EPHA3: variants seen among roughly 807,000 people sequenced by gnomAD.
EPHA3 encodes the protein ephrin type-A receptor 3.
EPHA3 carries 42 observed loss-of-function variants against 107.1 expected under a neutral mutation model. The ratio of observed to expected loss-of-function variants is 0.39; its 90% CI spans 0.31 to 0.51. EPHA3 has a LOEUF of 0.51. Ranked by LOEUF, EPHA3 falls within the 20% of genes least tolerant of loss-of-function variation. The probability of loss-of-function intolerance (pLI) is 0.78; values close to 1 mark genes in which losing one functional copy is unlikely to be tolerated. For synonymous variants in EPHA3, 461 were observed against 424.8 expected (o/e 1.09, Z -1.05); for missense variants, 1,183 against 1,211.2 (o/e 0.98, Z 0.35).
At chr3:89,203,660 C>G (rs920294304) in intron 2 of EPHA3, among the ~76,000 whole-genome samples, 28 of 151,906 alleles carry the variant, frequency 1.8e-4, no homozygotes, top group African/African-American at 6.5e-4. Context: ...GCCTGCAGTC[C>G]CAGCTACTCG....
At chr3:89,345,585 T>C (rs1042995166) in intron 5 of EPHA3, among the ~76,000 whole-genome samples, 1 of 150,326 alleles carries the variant, frequency 6.7e-6, no homozygotes, top group Non-Finnish European at 1.5e-5. Context: ...CTTTTCCTCC[T>C]GAACACTTCA....
At chr3:89,368,254 A>C (rs1708221669) in intron 5 of EPHA3, among the ~76,000 whole-genome samples, 1 of 150,566 alleles carries the variant, frequency 6.6e-6, no homozygotes, top group Non-Finnish European at 1.5e-5. Context: ...AATTTAGATC[A>C]TAAGTGTTAG....
chr3:89,451,880 C>T (rs1321016003), intron 15 of EPHA3, among the ~76,000 whole-genome samples: 6 of 144,184 alleles, frequency 4.2e-5, no homozygotes, highest in Admixed American at 7.0e-5. Context: ...TCAAGCAGGG[C>T]GTGTGTGTGT....
intron 11 of EPHA3, among the ~76,000 whole-genome samples, chr3:89,425,174 C>A (rs575174208): frequency 6.6e-6 from 1 of 151,104 alleles, no homozygotes. Context: ...GAAGACGTTG[C>A]CCTGTAATTT....
intron 3 of EPHA3, among the ~76,000 whole-genome samples, chr3:89,249,797 A>T (rs1705119102): frequency 6.6e-6 from 1 of 152,172 alleles, no homozygotes; most frequent in African/African-American, 2.4e-5. Flanking sequence ...CTGTTTCTAT[A>T]TCTCAGGATA....
intron 2 of EPHA3, among the ~76,000 whole-genome samples, chr3:89,128,554 A>T (rs1293646766): frequency 6.6e-6 from 1 of 151,858 alleles, no homozygotes. Flanking sequence ...ATTTTTCATG[A>T]CTCCTTCAGA....
intron 3 of EPHA3, among the ~76,000 whole-genome samples, chr3:89,339,370 CAAA>C (rs10575384): frequency 0.021 from 2,271 of 106,586 alleles, 23 homozygotes; most frequent in African/African-American, 0.063. Context: ...GACTCCATCT[CAAA>C]AAAAAAAAAA....
chr3:89,407,937 T>C (rs1335755035), intron 8 of EPHA3, 130 bp from the exon 9 acceptor site: 8 of 931,378 alleles, frequency 8.6e-6, no homozygotes, highest in Non-Finnish European at 9.7e-6. Flanking sequence ...TATGAAGTTA[T>C]TAAACTTTCA....
At chr3:89,457,812 CAATAGTCTAAGAAA>C in intron 15 of EPHA3, among the ~76,000 whole-genome samples, 1 of 152,152 alleles carries the variant, frequency 6.6e-6, no homozygotes, top group Non-Finnish European at 1.5e-5. Flanking sequence ...ATTAAGCTTT[CAATAGTCTAAGAAA>C]AGGATCTGCT....
At chr3:89,457,843 G>C (rs73846180) in intron 15 of EPHA3, among the ~76,000 whole-genome samples, 5,138 of 152,298 alleles carry the variant, frequency 0.034, 288 homozygotes, top group African/African-American at 0.12. Context: ...TGCTATGCTA[G>C]AGCAGGGAAA....
At position 89,341,035 on chromosome 3, in the gene EPHA3, C is replaced by T. The variant is rs746351940; in HGVS notation, c.934C>T (p.Arg312Trp). 12 of 1,613,928 alleles carry T rather than the reference C, an allele frequency of 7.4e-6. No individual in the cohort carries two copies. The highest frequency in any genetic ancestry group is 8.5e-6 in the Non-Finnish European group (10 of 1,179,988). ...MNCRCENNYFRADKDPPSMAC... is the reference protein window; with the variant it reads ...MNCRCENNYFWADKDPPSMAC... ...CTGCAGGTGTGAGAATAATTACTTC[C>T]GGGCAGACAAAGACCCTCCATCCAT... is the stretch of plus-strand genomic sequence containing the variant. Residue 312 changes from arginine (R) to tryptophan (W), a missense_variant, in exon 4 of 17, where the codon CGG becomes TGG. By Grantham distance (101) the Arg-to-Trp change is moderately radical. Transcript: ENST00000336596.
chr3:89,341,140 T>G, intron 4 of EPHA3, 69 bp downstream of exon 4: 1 of 1,494,456 alleles, frequency 6.7e-7, no homozygotes, highest in South Asian at 1.3e-5. Context: ...GTGCTGTTTG[T>G]TTTTGTTTTA....
chr3:89,374,394 G>A (rs1275191359), intron 5 of EPHA3, among the ~76,000 whole-genome samples: 5 of 151,854 alleles, frequency 3.3e-5, no homozygotes, highest in Non-Finnish European at 5.9e-5. Context: ...GTGCAAATGT[G>A]TGCACAGCTA....
chr3:89,137,964 C>T (rs771865034), intron 2 of EPHA3, among the ~76,000 whole-genome samples: 1 of 151,650 alleles, frequency 6.6e-6, no homozygotes. Flanking sequence ...AGGATGGGGC[C>T]CAGCAATAGG....
chr3:89,472,681 TGAAAGATTTG>T (rs746883084), intron 16 of EPHA3, 62 bp downstream of exon 16: 1 of 1,531,460 alleles, frequency 6.5e-7, no homozygotes. Flanking sequence ...TGGCTTGACA[TGAAAGATTTG>T]TAACATCTTG....
intron 2 of EPHA3, among the ~76,000 whole-genome samples, chr3:89,165,556 A>G (rs1705043394): frequency 6.6e-6 from 1 of 152,130 alleles, no homozygotes; most frequent in African/African-American, 2.4e-5. Context: ...TTCCATCTCC[A>G]TATTGTAGTC....
chr3:89,403,633 T>C (rs1326618839), intron 7 of EPHA3, among the ~76,000 whole-genome samples: 1 of 152,172 alleles, frequency 6.6e-6, no homozygotes, highest in African/African-American at 2.4e-5. Flanking sequence ...GATAGTCCAA[T>C]TGTTTGGAAA....
At chr3:89,408,546 T>G (rs540637371) in intron 9 of EPHA3, among the ~76,000 whole-genome samples, 1 of 152,188 alleles carries the variant, frequency 6.6e-6, no homozygotes, top group African/African-American at 2.4e-5. Flanking sequence ...AAGTGCCTTA[T>G]CCCATTTTAT....
rs79575066 is a variant in EPHA3 at position 89,321,987 on chromosome 3, T to G, written c.815-18929T>G. Among the ~76,000 whole-genome samples the G allele has an allele frequency of 4.7e-3, 709 of 152,164 alleles. 5 individuals carry two copies. Among genetic ancestry groups the G allele is most frequent in the African/African-American group, 0.016 (677 of 41,548 alleles). ...ATTATCTTATTTCTGAGCTTGCATT[T>G]GGTATAAAGTTAACTTTAGAAGTTT... On this transcript the variant is annotated intron_variant, in intron 3 of 16. Transcript: ENST00000336596.
Sources: gnomAD v4.1 joint callset for allele counts (sites outside exome capture counted in the v4.1 genomes callset) on GRCh38, gnomAD v4.1.1 for gene constraint, MANE v1.5 for transcripts, NCBI Gene and HGNC (gene_info 2026-07-23, HGNC 2026-07-21) for gene names.